Variants in RERE observed in about 807,000 individuals in gnomAD.
RERE encodes arginine-glutamic acid dipeptide repeats protein.
Under a neutral mutation model 146.1 loss-of-function variants are expected in RERE, and 40 were observed. The ratio of observed to expected loss-of-function variants is 0.27; its 90% CI spans 0.21 to 0.36. RERE has a LOEUF of 0.36. Ranked by LOEUF, RERE falls within the 10% of genes least tolerant of loss-of-function variation. The pLI is 1.00. For synonymous variants in RERE, 1,003 were observed against 866.0 expected (o/e 1.16, Z -2.78); for missense variants, 1,933 against 2,138.7 (o/e 0.90, Z 1.90).
intron 6 of RERE, among the ~76,000 whole-genome samples, chr1:8,547,098 A>C (rs938872341): frequency 5.9e-5 from 9 of 151,758 alleles, no homozygotes; most frequent in Admixed American, 2.0e-4. Context: ...AAAAAAAAAA[A>C]AACAAAATAT....
rs897602574 is a variant in RERE, at chr1:8,356,558, G to A, written c.4340-312C>T. ...ACCCGGGATCAGCAGGGTCCCTCTC[G>A]CCGGCCACCTGGGCCTGCCCTCTGC... On this transcript the variant is annotated intron_variant, in intron 20 of 22. Coordinates refer to ENST00000400908, the MANE Select transcript of RERE (RefSeq NM_001042681.2). The surrounding 1 kb of genome is among the most constrained non-coding windows in gnomAD (Gnocchi z 5.2). 6.6e-6 allele frequency among the ~76,000 whole-genome samples: 1 copy of A among 152,148 alleles called. No homozygotes were observed. Among genetic ancestry groups the A allele is most frequent in the Non-Finnish European group, 1.5e-5 (1 of 68,022 alleles).
intron 1 of RERE, among the ~76,000 whole-genome samples, chr1:8,738,401 G>C (rs1640242266): frequency 6.6e-6 from 1 of 151,902 alleles, no homozygotes; most frequent in South Asian, 2.1e-4. Context: ...TCCTGGGCTG[G>C]TCTCAAACTC....
At chr1:8,603,764 A>T (rs933256538) in intron 4 of RERE, among the ~76,000 whole-genome samples, 1 of 151,966 alleles carries the variant, frequency 6.6e-6, no homozygotes, top group African/African-American at 2.4e-5. Context: ...TCCTCAACGT[A>T]AGCAACATAA....
chr1:8,557,680 A>T (rs1327792473), intron 4 of RERE, among the ~76,000 whole-genome samples, 157 bp from the exon 5 acceptor site: 1 of 152,192 alleles, frequency 6.6e-6, no homozygotes, highest in Non-Finnish European at 1.5e-5. Flanking sequence ...GTCAGTTATG[A>T]GGTCAAGTTT....
At chr1:8,526,082 C>A (rs1381829577) in intron 7 of RERE, 4 of 1,145,416 alleles carry the variant, frequency 3.5e-6, no homozygotes, top group Non-Finnish European at 4.3e-6. Flanking sequence ...CCAACAGACT[C>A]TGCAGCTTCT....
chr1:8,798,631 C>A, intron 1 of RERE: 1 of 219,422 alleles, frequency 4.6e-6, no homozygotes, highest in South Asian at 8.3e-5. Flanking sequence ...ACCACTATCC[C>A]CACAAACTGA....
At chr1:8,520,736 T>C (rs1219314426) in intron 7 of RERE, among the ~76,000 whole-genome samples, 18 of 114,050 alleles carry the variant, frequency 1.6e-4, no homozygotes, top group African/African-American at 5.8e-4. Context: ...CACATGGAGA[T>C]TCAGCCAAAA....
rs898406182 is a variant in RERE, at chr1:8,363,144, A to C, written c.1741-300T>G. On this transcript the variant is annotated intron_variant, in intron 15 of 22. Coordinates refer to ENST00000400908, the MANE Select transcript of RERE (RefSeq NM_001042681.2). ...TGCTGGAAATGAACCACACTTTCTG[A>C]GCGGCAGAAAGTCGCCTGGGGCCAT... is the stretch of plus-strand genomic sequence containing the variant. 2.8e-4 allele frequency among the ~76,000 whole-genome samples: 42 copies of C among 152,368 alleles called. No individual in the cohort carries two copies. In the South Asian group the frequency reaches 3.5e-3, roughly 13 times the overall value.
chr1:8,400,222 A>ATATGTGTGTG lies in RERE; in HGVS notation c.1284+22504_1284+22505insCACACACATA, dbSNP rs368219880. Reference sequence around the variant, plus strand: ...CTCTTCCTTTCCATTCCTGTGTCATATGTGTGTGTGTGTGTGTGTGTGTGT... The same window carrying ATATGTGTGTG: ...CTCTTCCTTTCCATTCCTGTGTCATATATGTGTGTGTGTGTGTGTGTGTGTGTGTGTGTGT... On this transcript the variant is annotated intron_variant, in intron 12 of 22. Coordinates refer to ENST00000400908, the MANE Select transcript of RERE (RefSeq NM_001042681.2). Among the ~76,000 whole-genome samples the ATATGTGTGTG allele has an allele frequency of 8.6e-3, 1,203 of 140,126 alleles. 7 individuals are homozygous for ATATGTGTGTG. The highest frequency in any genetic ancestry group is 0.013 in the East Asian group (59 of 4,558). 91.9% of individuals were successfully genotyped at this position (140,126 alleles called of 152,430 possible). A position where few individuals can be genotyped will look rare whatever the true frequency, so the allele number is the denominator to read the frequency against.
At chr1:8,526,800 T>G (rs1185848800) in intron 7 of RERE, among the ~76,000 whole-genome samples, 2 of 152,140 alleles carry the variant, frequency 1.3e-5, no homozygotes, top group African/African-American at 4.8e-5. Flanking sequence ...AAAATCTCAT[T>G]TGAGGTCCTG....
At chr1:8,675,734 CATAT>C (rs1256614233) in intron 1 of RERE, among the ~76,000 whole-genome samples, 218 of 136,346 alleles carry the variant, frequency 1.6e-3, no homozygotes, top group Non-Finnish European at 1.4e-3. Context: ...AAAATACATA[CATAT>C]ATACATACAT....
intron 7 of RERE, among the ~76,000 whole-genome samples, chr1:8,517,266 T>C (rs1645432718): frequency 6.6e-6 from 1 of 152,170 alleles, no homozygotes. Context: ...TGAGAAAAGC[T>C]GATTAAAGGA....
At chr1:8,618,962 G>A (rs1159692660) in intron 3 of RERE, among the ~76,000 whole-genome samples, 1 of 152,190 alleles carries the variant, frequency 6.6e-6, no homozygotes, top group Non-Finnish European at 1.5e-5. Flanking sequence ...AAAGGGTAGT[G>A]AGTAGCAAAC....
chr1:8,505,439 T>C (rs1275667809), intron 8 of RERE, among the ~76,000 whole-genome samples: 4 of 152,186 alleles, frequency 2.6e-5, no homozygotes, highest in Non-Finnish European at 5.9e-5. Flanking sequence ...TGGGTTTGAC[T>C]AGGATTTGAT....
intron 1 of RERE, among the ~76,000 whole-genome samples, chr1:8,808,031 C>T (rs1203956271): frequency 3.3e-5 from 5 of 151,736 alleles, no homozygotes; most frequent in African/African-American, 9.7e-5. Context: ...GTAGTAACAG[C>T]ACTTTGGGAG....
chr1:8,697,348 T>C (rs2124431295), intron 1 of RERE, among the ~76,000 whole-genome samples: 1 of 151,466 alleles, frequency 6.6e-6, no homozygotes, highest in South Asian at 2.1e-4. Flanking sequence ...AATTAATAAA[T>C]AAATACACAT....
intron 12 of RERE, among the ~76,000 whole-genome samples, chr1:8,367,738 G>C (rs1434260736): frequency 2.0e-5 from 3 of 152,176 alleles, no homozygotes; most frequent in Non-Finnish European, 4.4e-5. Context: ...CCCCATGCTA[G>C]TCTAGGAATG....
chr1:8,791,792 A>T lies in RERE; in HGVS notation c.-145+25368T>A, dbSNP rs1481964877. ...ACGAGAAGAGGGAGAGGCAGTAGAC[A>T]TTAGTTTCAAACCTATAACTCTTTA... On this transcript the variant is annotated intron_variant, in intron 1 of 22. Coordinates refer to ENST00000400908, the MANE Select transcript of RERE (RefSeq NM_001042681.2). Among the ~76,000 whole-genome samples, 3 of 152,176 alleles carry T rather than the reference A, an allele frequency of 2.0e-5. No individual in the cohort carries two copies. The East Asian group carries it at 5.8e-4, about 29-fold the overall frequency.
intron 12 of RERE, among the ~76,000 whole-genome samples, chr1:8,400,237 T>G (rs1296752075): frequency 6.6e-6 from 1 of 151,610 alleles, no homozygotes; most frequent in Non-Finnish European, 1.5e-5. Context: ...TGTGTGTGTG[T>G]GTGTGTGTGT....
Sources: allele counts gnomAD v4.1 joint callset (sites outside exome capture counted in the v4.1 genomes callset), GRCh38; gene constraint gnomAD v4.1.1; non-coding constraint Gnocchi (gnomAD v3.1); transcripts MANE v1.5; gene names NCBI Gene and HGNC (gene_info 2026-07-23, HGNC 2026-07-21).